The following PSMA1 variants were observed in gnomAD, a reference collection of about 807,000 sequenced individuals.
PSMA1 encodes the protein proteasome 20S subunit alpha 1.
A neutral mutation model predicts 38.4 loss-of-function variants in PSMA1; 3 were observed. That is an observed-to-expected ratio of 0.08 (90% CI 0.04 to 0.20). The LOEUF is 0.20. PSMA1 is among the 10% of genes least tolerant of loss of function. PSMA1 has a pLI of 1.00. For synonymous variants in PSMA1, 101 were observed against 107.1 expected, an observed-to-expected ratio of 0.94 and a Z score of 0.35; for missense variants, 227 against 325.3, an observed-to-expected ratio of 0.70 and a Z score of 2.32.
At chr11:14,636,134 T>G (rs1194126252) in intron 1 of PSMA1, among the ~76,000 whole-genome samples, 1 of 152,198 alleles carries the variant, frequency 6.6e-6, no homozygotes, top group Non-Finnish European at 1.5e-5. Context: ...CTGGCTAAAC[T>G]TTCTAGAATG....
In PSMA1 at chr11:14,513,555, A is replaced by C; in HGVS notation, c.544+15T>G. ...GGCAAAAAAAAAAAAAAAAAAAAGC[A>C]AGGCTGTCACTTACACTCCATAAAT... is the stretch of plus-strand genomic sequence containing the variant. On this transcript the variant is annotated intron_variant, in intron 7 of 9. Coordinates refer to ENST00000396394, the MANE Select transcript of PSMA1 (RefSeq NM_002786.4). 1 of 1,451,070 alleles carries C rather than the reference A, an allele frequency of 6.9e-7. No homozygotes were observed. The highest frequency in any genetic ancestry group is 9.1e-7 in the Non-Finnish European group (1 of 1,103,770). 89.9% of individuals were successfully genotyped at this position (1,451,070 alleles called of 1,614,324 possible). A position where few individuals can be genotyped will look rare whatever the true frequency, so the allele number is the denominator to read the frequency against.
At chr11:14,581,207 C>G (rs1026750741) in intron 2 of PSMA1, among the ~76,000 whole-genome samples, 2 of 152,330 alleles carry the variant, frequency 1.3e-5, no homozygotes, top group Middle Eastern at 3.4e-3. Context: ...CGAAAGTGAA[C>G]TACATTGCCC....
At position 14,534,298 on chromosome 11, in the gene PSMA1, T is replaced by G. The variant is rs1026719453; in HGVS notation, c.22-15257A>C. ...ATATGATTCTTTTTAAACCTGCTTT[T>G]CTATGTAAACATTAAACCACGAACA... On this transcript the variant is annotated intron_variant, in intron 2 of 10. Coordinates refer to the PSMA1 transcript ENST00000418988. The surrounding 1 kb of genome is among the most constrained non-coding windows in gnomAD (Gnocchi z 4.5). 8.5e-5 allele frequency among the ~76,000 whole-genome samples: 13 copies of G among 152,256 alleles called. No individual in the cohort carries two copies. The highest frequency in any genetic ancestry group is 1.0e-4 in the Non-Finnish European group (7 of 68,044).
At chr11:14,518,083 A>ATT in intron 2 of PSMA1, 102 bp from the exon 3 acceptor site, 1 of 776,388 alleles carries the variant, frequency 1.3e-6, no homozygotes, top group Non-Finnish European at 1.9e-6. Flanking sequence ...ATCTCAACTG[A>ATT]TTTTTTTTTT....
chr11:14,577,649 A>G (rs1217476738), intron 2 of PSMA1, among the ~76,000 whole-genome samples: 2 of 152,132 alleles, frequency 1.3e-5, no homozygotes, highest in African/African-American at 4.8e-5. Context: ...ATTCCTCACA[A>G]TTCCCTGGCA....
chr11:14,541,777 A>T (rs144648442), intron 2 of PSMA1, among the ~76,000 whole-genome samples: 1 of 152,360 alleles, frequency 6.6e-6, no homozygotes, highest in Non-Finnish European at 1.5e-5. Flanking sequence ...GAAAATTTGC[A>T]AACACATGGA....
intron 2 of PSMA1, among the ~76,000 whole-genome samples, chr11:14,591,970 C>A (rs926974078): frequency 6.6e-6 from 1 of 152,166 alleles, no homozygotes; most frequent in Non-Finnish European, 1.5e-5. Flanking sequence ...GTAACACTCA[C>A]TGCGAAGATC....
intron 8 of PSMA1, among the ~76,000 whole-genome samples, 168 bp downstream of exon 8, chr11:14,510,704 G>A (rs956753364): frequency 5.9e-4 from 90 of 152,200 alleles, no homozygotes; most frequent in Non-Finnish European, 1.1e-3. Context: ...AAAAAGAAAT[G>A]TTTAAAAAAT....
intron 2 of PSMA1, among the ~76,000 whole-genome samples, chr11:14,592,808 A>G (rs1457353835): frequency 1.3e-5 from 2 of 152,230 alleles, no homozygotes; most frequent in African/African-American, 4.8e-5. Flanking sequence ...TGGATAAATA[A>G]TTCCAGTCTC....
intron 2 of PSMA1, among the ~76,000 whole-genome samples, chr11:14,537,832 C>G (rs1851727726): frequency 6.6e-6 from 1 of 151,688 alleles, no homozygotes; most frequent in African/African-American, 2.4e-5. Flanking sequence ...CCTCAGCCTC[C>G]CCAGTAGCTG....
At chr11:14,632,121 A>G (rs1258126283) in intron 1 of PSMA1, among the ~76,000 whole-genome samples, 2 of 141,604 alleles carry the variant, frequency 1.4e-5, no homozygotes, top group Non-Finnish European at 3.1e-5. Context: ...TCTTTATCCA[A>G]TTTGCCAGTC....
chr11:14,640,024 C>T (rs1853178276), intron 1 of PSMA1, among the ~76,000 whole-genome samples: 1 of 152,160 alleles, frequency 6.6e-6, no homozygotes, highest in Non-Finnish European at 1.5e-5. Context: ...ACCATTATAT[C>T]TTTGTCATCT....
intron 2 of PSMA1, among the ~76,000 whole-genome samples, chr11:14,571,722 T>C (rs1589995869): frequency 2.0e-5 from 3 of 152,178 alleles, no homozygotes; most frequent in African/African-American, 4.8e-5. Flanking sequence ...TACTGGCAAA[T>C]TGGATAAAGA....
chr11:14,603,746 CA>C (rs1242580217), intron 2 of PSMA1, among the ~76,000 whole-genome samples: 2 of 152,100 alleles, frequency 1.3e-5, no homozygotes, highest in South Asian at 4.2e-4. Flanking sequence ...TGTTTAATTA[CA>C]AATTCAAGAA....
chr11:14,599,866 A>G (rs1048473469), intron 2 of PSMA1, among the ~76,000 whole-genome samples: 5 of 152,148 alleles, frequency 3.3e-5, no homozygotes, highest in African/African-American at 4.8e-5. Flanking sequence ...GTTTCTCCCC[A>G]TCTTTGTGGT....
chr11:14,540,007 T>G (rs1050136720), intron 2 of PSMA1, among the ~76,000 whole-genome samples: 1 of 152,252 alleles, frequency 6.6e-6, no homozygotes, highest in Non-Finnish European at 1.5e-5. Flanking sequence ...TAGCCTGTAG[T>G]GCTGCGTGAC....
At chr11:14,622,859 T>C (rs1852865254) in intron 1 of PSMA1, among the ~76,000 whole-genome samples, 2 of 152,276 alleles carry the variant, frequency 1.3e-5, no homozygotes, top group Admixed American at 6.5e-5. Flanking sequence ...TTACGGCAAG[T>C]ATCATTGGGA....
chr11:14,533,216 C>T (rs1034551777), intron 2 of PSMA1, among the ~76,000 whole-genome samples: 1 of 152,196 alleles, frequency 6.6e-6, no homozygotes, highest in Non-Finnish European at 1.5e-5. Context: ...TGAGCATTTC[C>T]TCTCCATCCA....
At chr11:14,579,486 C>CTTT (rs756980966) in intron 2 of PSMA1, among the ~76,000 whole-genome samples, 1 of 112,518 alleles carries the variant, frequency 8.9e-6, no homozygotes, top group Non-Finnish European at 1.8e-5. Context: ...GCTGCAAAGA[C>CTTT]TTTTTTTTTT....
Sources: gnomAD v4.1 joint callset for allele counts (sites outside exome capture counted in the v4.1 genomes callset) on GRCh38, gnomAD v4.1.1 for gene constraint, Gnocchi (gnomAD v3.1) non-coding constraint, MANE v1.5 for transcripts, NCBI Gene and HGNC (gene_info 2026-07-23, HGNC 2026-07-21) for gene names.